The following ZNF385B variants were observed in gnomAD, a reference collection of about 807,000 sequenced individuals.
ZNF385B encodes zinc finger protein 385B.
A neutral mutation model predicts 39.2 loss-of-function variants in ZNF385B; 23 were observed. That is an observed-to-expected ratio of 0.59 (90% CI 0.42 to 0.83). ZNF385B has a LOEUF of 0.83. Among genes scored for constraint, ZNF385B ranks in the 40% least tolerant of loss-of-function variants. The pLI is 0.00. For missense variants in ZNF385B, 552 were observed against 598.9 expected (o/e 0.92, Z 0.82); for synonymous variants, 205 against 222.6 (o/e 0.92, Z 0.70).
intron 3 of ZNF385B, among the ~76,000 whole-genome samples, chr2:179,614,810 A>G (rs1174340665): frequency 3.3e-5 from 5 of 152,230 alleles, no homozygotes; most frequent in African/African-American, 1.2e-4. Flanking sequence ...ATATTTACAC[A>G]CCCAGCACTT....
At chr2:179,635,143 GAA>G (rs1253128353) in intron 3 of ZNF385B, among the ~76,000 whole-genome samples, 1 of 128,368 alleles carries the variant, frequency 7.8e-6, no homozygotes, top group Non-Finnish European at 1.7e-5. Context: ...CTCCGTCTCA[GAA>G]AAAAAAAAAA....
chr2:179,844,690 G>A (rs140056067), intron 1 of ZNF385B, among the ~76,000 whole-genome samples: 2 of 152,238 alleles, frequency 1.3e-5, no homozygotes, highest in East Asian at 3.9e-4. Context: ...CTGCAAAAAG[G>A]TTGGGAGAGA....
intron 4 of ZNF385B, among the ~76,000 whole-genome samples, chr2:179,526,648 AG>A (rs1050474523): frequency 2.0e-5 from 3 of 152,176 alleles, no homozygotes; most frequent in Non-Finnish European, 2.9e-5. Context: ...AACATTACAC[AG>A]GGAGTGCATG....
intron 3 of ZNF385B, among the ~76,000 whole-genome samples, chr2:179,610,950 T>G (rs1245101547): frequency 6.6e-6 from 1 of 152,198 alleles, no homozygotes; most frequent in Non-Finnish European, 1.5e-5. Context: ...GTGGACTCTT[T>G]AGGATTTTCC....
intron 3 of ZNF385B, among the ~76,000 whole-genome samples, chr2:179,571,748 T>C (rs1489663561): frequency 2.0e-5 from 3 of 152,140 alleles, no homozygotes; most frequent in Non-Finnish European, 4.4e-5. Flanking sequence ...AAATATACAC[T>C]AGGAGTACAA....
At chr2:179,464,713 G>A (rs2051787322) in intron 6 of ZNF385B, among the ~76,000 whole-genome samples, 1 of 152,100 alleles carries the variant, frequency 6.6e-6, no homozygotes, top group South Asian at 2.1e-4. Flanking sequence ...CTATATCTCT[G>A]TTTTGGTACC....
intron 3 of ZNF385B, among the ~76,000 whole-genome samples, chr2:179,755,409 T>C (rs1330027059): frequency 3.3e-5 from 5 of 152,248 alleles, no homozygotes; most frequent in Admixed American, 1.3e-4. Context: ...GTATATTCTG[T>C]TGATTTGGGG....
At chr2:179,563,553 G>A (rs1305516857) in intron 3 of ZNF385B, among the ~76,000 whole-genome samples, 1 of 152,150 alleles carries the variant, frequency 6.6e-6, no homozygotes, top group Non-Finnish European at 1.5e-5. Flanking sequence ...GATTTGCACA[G>A]TAACTATCAG....
At chr2:179,686,964 G>GTTTT (rs5836693) in intron 3 of ZNF385B, among the ~76,000 whole-genome samples, 3 of 142,088 alleles carry the variant, frequency 2.1e-5, no homozygotes, top group Non-Finnish European at 1.5e-5. Context: ...AATTTGTACT[G>GTTTT]TTTTTTTTTT....
chr2:179,709,331 G>A (rs1005895351), intron 3 of ZNF385B, among the ~76,000 whole-genome samples: 3 of 152,188 alleles, frequency 2.0e-5, no homozygotes, highest in Admixed American at 1.3e-4. Flanking sequence ...TGTTCTGTCT[G>A]CCATTATGGG....
At chr2:179,735,350 T>C (rs1345354912) in intron 3 of ZNF385B, among the ~76,000 whole-genome samples, 2 of 146,042 alleles carry the variant, frequency 1.4e-5, no homozygotes, top group South Asian at 2.3e-4. Flanking sequence ...TCACACCAGT[T>C]AGAATGGCAA....
At chr2:179,814,622 T>C (rs1706947368) in intron 1 of ZNF385B, 2 of 528,002 alleles carry the variant, frequency 3.8e-6, no homozygotes, top group Admixed American at 4.9e-5. Flanking sequence ...GGGCCCTCAA[T>C]GGTGGCGACC....
At chr2:179,635,400 G>C (rs905177115) in intron 3 of ZNF385B, among the ~76,000 whole-genome samples, 1 of 137,684 alleles carries the variant, frequency 7.3e-6, no homozygotes, top group African/African-American at 2.6e-5. Flanking sequence ...GGGGGCTGGG[G>C]GAGGAATAGC....
chr2:179,795,783 CA>C (rs1346892732), intron 1 of ZNF385B, among the ~76,000 whole-genome samples: 2 of 152,114 alleles, frequency 1.3e-5, no homozygotes, highest in African/African-American at 4.8e-5. Context: ...AGAAAGCTGA[CA>C]TTAAATTCCT....
intron 3 of ZNF385B, among the ~76,000 whole-genome samples, chr2:179,605,221 T>C (rs1688706911): frequency 6.6e-6 from 1 of 152,200 alleles, no homozygotes; most frequent in Non-Finnish European, 1.5e-5. Flanking sequence ...CCTACTTCTC[T>C]TAGATTCACT....
intron 3 of ZNF385B, among the ~76,000 whole-genome samples, chr2:179,726,847 T>C (rs946132757): frequency 2.0e-4 from 30 of 152,122 alleles, no homozygotes; most frequent in African/African-American, 7.0e-4. Flanking sequence ...TGTAGATGTA[T>C]AGCATTTTTC....
intron 1 of ZNF385B, among the ~76,000 whole-genome samples, chr2:179,772,353 CA>C (rs1345521402): frequency 6.6e-6 from 1 of 152,194 alleles, no homozygotes; most frequent in Non-Finnish European, 1.5e-5. Context: ...AAACCTCCAA[CA>C]CCGCATTCAT....
chr2:179,553,531 TATG>T (rs1267238081), intron 3 of ZNF385B, among the ~76,000 whole-genome samples: 1 of 148,906 alleles, frequency 6.7e-6, no homozygotes. Context: ...AATGCAACTC[TATG>T]ATATTTATAT....
chr2:179,493,496 T>TGTACATATATGCGTATACATATGC (rs1559333992), intron 5 of ZNF385B, among the ~76,000 whole-genome samples: 9 of 144,960 alleles, frequency 6.2e-5, no homozygotes, highest in African/African-American at 2.0e-4. Context: ...TATAAACGTG[T>TGTACATATATGCGTATACATATGC]GTGTACATAT....
Sources: gnomAD v4.1 joint callset for allele counts (sites outside exome capture counted in the v4.1 genomes callset) on GRCh38, gnomAD v4.1.1 for gene constraint, MANE v1.5 for transcripts, NCBI Gene and HGNC (gene_info 2026-07-23, HGNC 2026-07-21) for gene names.